WWC1: variants seen among roughly 807,000 people sequenced by gnomAD.
WWC1 encodes the protein WW and C2 domain containing 1.
In WWC1, 55 loss-of-function variants were observed where a neutral mutation model predicts 138.4. The ratio of observed to expected loss-of-function variants is 0.40; its 90% CI spans 0.32 to 0.50. The LOEUF (loss-of-function observed/expected upper bound fraction) is 0.50, where lower values mean the gene tolerates loss of function less well. Ranked by LOEUF, WWC1 falls within the 20% of genes least tolerant of loss-of-function variation. The pLI, the probability that WWC1 is intolerant of heterozygous loss-of-function variation, is 0.72. For synonymous variants in WWC1, 524 were observed against 564.9 expected (o/e 0.93, Z 1.03); for missense variants, 1,226 against 1,420.4 (o/e 0.86, Z 2.20).
intron 3 of WWC1, among the ~76,000 whole-genome samples, chr5:168,388,474 G>A (rs1032048304): frequency 1.3e-5 from 2 of 152,064 alleles, no homozygotes; most frequent in Non-Finnish European, 2.9e-5. Flanking sequence ...GAAGATGCAT[G>A]TGGCAACATA....
At chr5:168,295,915 C>T (rs1348338670) in intron 1 of WWC1, among the ~76,000 whole-genome samples, 1 of 152,156 alleles carries the variant, frequency 6.6e-6, no homozygotes, top group Non-Finnish European at 1.5e-5. Context: ...TTGGGTCCTG[C>T]CCACTGGGCC....
intron 11 of WWC1, among the ~76,000 whole-genome samples, chr5:168,425,046 T>C (rs1781397954): frequency 6.6e-6 from 1 of 152,222 alleles, no homozygotes; most frequent in Non-Finnish European, 1.5e-5. Context: ...ATGTGCTTGA[T>C]ACATGGTGAA....
chr5:168,471,457 G>A lies in WWC1; in HGVS notation c.*2440G>A, dbSNP rs1757669866. The A allele has an allele frequency of 2.0e-5, 3 of 152,224 alleles. No individual in the cohort carries two copies. Among genetic ancestry groups the A allele is most frequent in the Non-Finnish European group, 4.4e-5 (3 of 68,064 alleles). The allele number at this position is 152,224 out of a possible 1,614,324, so 9.4% of individuals were successfully genotyped here. A position where few individuals can be genotyped will look rare whatever the true frequency, so the allele number is the denominator to read the frequency against. ...CCCAACTCAATTGTACTAGGTTGTA[G>A]AGCACAAGGATGGTCTCGTGCTGCT... On this transcript the variant is annotated 3_prime_UTR_variant, in exon 23 of 23. Coordinates refer to ENST00000265293, the MANE Select transcript of WWC1 (RefSeq NM_015238.3).
intron 1 of WWC1, among the ~76,000 whole-genome samples, chr5:168,339,810 C>CTTTCTTTCTTTCTTTCTTTCTTTCT (rs1773826540): frequency 1.1e-5 from 1 of 90,618 alleles, no homozygotes; most frequent in African/African-American, 4.1e-5. Flanking sequence ...TTTTGTTTTT[C>CTTTCTTTCTTTCTTTCTTTCTTTCT]TTTCTTTCTT....
At chr5:168,397,860 C>A in intron 4 of WWC1, 60 bp downstream of exon 4, 1 of 1,578,310 alleles carries the variant, frequency 6.3e-7, no homozygotes, top group South Asian at 1.1e-5. Flanking sequence ...TCTTAGGCCA[C>A]AAGCCCACCC....
chr5:168,375,470 G>A (rs138512727), intron 2 of WWC1, among the ~76,000 whole-genome samples: 47 of 152,332 alleles, frequency 3.1e-4, no homozygotes, highest in Admixed American at 1.0e-3. Context: ...AGCTTTGGAC[G>A]AGGACTGGGA....
intron 21 of WWC1, 42 bp downstream of exon 21, chr5:168,465,004 C>T: frequency 6.2e-7 from 1 of 1,601,764 alleles, no homozygotes. Context: ...GCGCTCTGCC[C>T]CAGAGAGTCG....
At chr5:168,332,895 G>T (rs1226413042) in intron 1 of WWC1, among the ~76,000 whole-genome samples, 8 of 152,062 alleles carry the variant, frequency 5.3e-5, no homozygotes, top group Admixed American at 5.2e-4. Context: ...TTTTTGTAGA[G>T]ACAGGGTTTC....
intron 5 of WWC1, among the ~76,000 whole-genome samples, chr5:168,402,294 G>A (rs1779365742): frequency 1.3e-5 from 2 of 152,362 alleles, no homozygotes; most frequent in South Asian, 4.1e-4. Flanking sequence ...CACCTTGGCA[G>A]AGAGGGTCAG....
At chr5:168,325,430 C>G (rs1446478043) in intron 1 of WWC1, among the ~76,000 whole-genome samples, 1 of 152,172 alleles carries the variant, frequency 6.6e-6, no homozygotes, top group Non-Finnish European at 1.5e-5. Flanking sequence ...AGTGTCCGCC[C>G]TCAGGCTGGT....
intron 1 of WWC1, among the ~76,000 whole-genome samples, chr5:168,330,427 T>G (rs1036994736): frequency 2.0e-5 from 3 of 152,180 alleles, no homozygotes; most frequent in Admixed American, 6.5e-5. Flanking sequence ...AGTTTTCTTC[T>G]TATCAATAAA....
chr5:168,460,691 G>A lies in WWC1; in HGVS notation c.2865G>A (p.Lys955=). Residue 955 remains lysine, a synonymous_variant, in exon 20 of 23, where the codon AAG becomes AAA. Coordinates refer to ENST00000265293, the MANE Select transcript of WWC1 (RefSeq NM_015238.3). ...SDSDSSTLSK[K]PPFVRNSLER... ...GTGACAGCTCCACTCTGTCCAAAAA[G>A]CCACCTTTTGTTCGAAACTCCCTGG... is the stretch of plus-strand genomic sequence containing the variant. The A allele has an allele frequency of 6.2e-7, 1 of 1,614,114 alleles. No individual in the cohort carries two copies. The highest frequency in any genetic ancestry group is 8.5e-7 in the Non-Finnish European group (1 of 1,180,030).
At chr5:168,367,562 G>A (rs1033780286) in intron 1 of WWC1, among the ~76,000 whole-genome samples, 19 of 149,980 alleles carry the variant, frequency 1.3e-4, no homozygotes, top group African/African-American at 4.2e-4. Flanking sequence ...CTCGTGATCC[G>A]CCCGCCTCGG....
intron 4 of WWC1, 91 bp from the exon 5 acceptor site, chr5:168,399,397 G>C (rs1007401913): frequency 7.3e-7 from 1 of 1,365,424 alleles, no homozygotes. Context: ...GGCGCAGTGG[G>C]AGGCTCTGGG....
chr5:168,359,805 G>A (rs1003589363), intron 1 of WWC1, among the ~76,000 whole-genome samples: 8 of 152,070 alleles, frequency 5.3e-5, no homozygotes, highest in South Asian at 2.1e-4. Context: ...CCAGTTCTTC[G>A]GAGTAGCTTT....
intron 17 of WWC1, 47 bp from the exon 18 acceptor site, chr5:168,453,921 G>A (rs376736482): frequency 8.7e-6 from 14 of 1,609,126 alleles, no homozygotes; most frequent in African/African-American, 2.7e-5. Flanking sequence ...GGTGAACAGA[G>A]GCAGAGCGGC....
intron 8 of WWC1, among the ~76,000 whole-genome samples, chr5:168,411,056 G>T (rs1316688685): frequency 2.0e-5 from 3 of 151,132 alleles, no homozygotes; most frequent in Non-Finnish European, 4.4e-5. Flanking sequence ...CTCCCGAGTA[G>T]CTGGGACTAC....
At chr5:168,360,019 T>C (rs1469498587) in intron 1 of WWC1, among the ~76,000 whole-genome samples, 1 of 152,188 alleles carries the variant, frequency 6.6e-6, no homozygotes, top group Non-Finnish European at 1.5e-5. Context: ...CCACAACCAT[T>C]TGGTTCCTAG....
chr5:168,455,234 C>T, intron 18 of WWC1, 122 bp from the exon 19 acceptor site: 2 of 1,262,990 alleles, frequency 1.6e-6, no homozygotes, highest in Non-Finnish European at 2.2e-6. Flanking sequence ...CCAAGGAAAC[C>T]CTGGTTGTGT....
Sources: gnomAD v4.1 joint callset for allele counts (sites outside exome capture counted in the v4.1 genomes callset) on GRCh38, gnomAD v4.1.1 for gene constraint, MANE v1.5 for transcripts, NCBI Gene and HGNC (gene_info 2026-07-23, HGNC 2026-07-21) for gene names.